Variants in GRIN2D observed in about 807,000 individuals in gnomAD.
GRIN2D encodes glutamate ionotropic receptor NMDA type subunit 2D.
In GRIN2D, 37 loss-of-function variants were observed where a neutral mutation model predicts 103.2. The ratio of observed to expected loss-of-function variants is 0.36; its 90% confidence interval spans 0.28 to 0.47. GRIN2D has a LOEUF of 0.47. Ranked by LOEUF, GRIN2D falls within the 20% of genes least tolerant of loss-of-function variation. The pLI, the probability that GRIN2D is intolerant of heterozygous loss-of-function variation, is 1.00. For synonymous variants in GRIN2D, 845 were observed against 885.6 expected (o/e 0.95, Z 0.81); for missense variants, 1,557 against 1,910.6 (o/e 0.81, Z 3.45).
intron 4 of GRIN2D, among the ~76,000 whole-genome samples, chr19:48,408,729 A>C (rs1970820352): frequency 6.6e-6 from 1 of 151,450 alleles, no homozygotes; most frequent in Non-Finnish European, 1.5e-5. Flanking sequence ...CTGAGGCAGG[A>C]GAATCACTTG....
chr19:48,418,496 G>A (rs1248330545), intron 8 of GRIN2D, among the ~76,000 whole-genome samples: 2 of 152,120 alleles, frequency 1.3e-5, no homozygotes, highest in African/African-American at 2.4e-5. Flanking sequence ...CTGTGTGGGG[G>A]ATAGGCTGTA....
intron 4 of GRIN2D, among the ~76,000 whole-genome samples, chr19:48,410,421 G>A (rs758416380): frequency 6.6e-6 from 1 of 151,194 alleles, no homozygotes; most frequent in Admixed American, 6.6e-5. Context: ...CCAGCTACTC[G>A]GGAGGCTGAG....
rs766061537 is a variant in GRIN2D at position 48,435,296 on chromosome 19, G to GTTT, written c.2253-6456_2253-6454dup. Among the ~76,000 whole-genome samples the GTTT allele has an allele frequency of 8.7e-4, 106 of 121,588 alleles. 3 individuals are homozygous for GTTT. Among genetic ancestry groups the GTTT allele is most frequent in the Non-Finnish European group, 9.5e-4 (59 of 62,316 alleles). The allele number at this position is 121,588 out of a possible 152,430, so 79.8% of individuals were successfully genotyped here. On this transcript the variant is annotated intron_variant, in intron 11 of 13. Transcript: ENST00000263269. ...CCTTTAAGTGCCCATTCAGCCACTTGTTTTTTTTTTTTTTTTTTTGAGACG... is the reference window on the plus strand; with the variant it reads ...CCTTTAAGTGCCCATTCAGCCACTTGTTTTTTTTTTTTTTTTTTTTTTGAGACG...
At chr19:48,407,700 C>T (rs1175329655) in intron 4 of GRIN2D, among the ~76,000 whole-genome samples, 1 of 152,150 alleles carries the variant, frequency 6.6e-6, no homozygotes, top group Non-Finnish European at 1.5e-5. Context: ...AAATAAGGTC[C>T]CTGCTCTCTC....
rs1160229233 is a variant in GRIN2D at position 48,443,444 on chromosome 19, G to C, written c.3518G>C (p.Ser1173Thr). 2 of 1,385,368 alleles carry C rather than the reference G, an allele frequency of 1.4e-6. No individual in the cohort carries two copies. Among genetic ancestry groups the C allele is most frequent in the African/African-American group, 3.0e-5 (2 of 65,906 alleles). The allele number at this position is 1,385,368 out of a possible 1,614,324, so 85.8% of individuals were successfully genotyped here. A position where few individuals can be genotyped will look rare whatever the true frequency, so the allele number is the denominator to read the frequency against. Reference sequence around the variant, plus strand: ...AGCTGGGACTACCTGCCCCCGCGCAGCGGTCCGGCCGCCTGGCACTGTCGG... The same window carrying C: ...AGCTGGGACTACCTGCCCCCGCGCACCGGTCCGGCCGCCTGGCACTGTCGG... ...AGSWDYLPPR[S>T]GPAAWHCRHC... The change falls in exon 14 of 14, where the codon AGC (serine) becomes ACC (threonine). Residue 1173 changes from serine (S) to threonine (T), a missense_variant. By Grantham distance (58) the Ser-to-Thr change is moderately conservative. Coordinates refer to ENST00000263269, the MANE Select transcript of GRIN2D (RefSeq NM_000836.4). The surrounding 1 kb of genome is among the most constrained non-coding windows in gnomAD (Gnocchi z 8.9).
In GRIN2D at chr19:48,421,663, G is replaced by C. The variant is rs967078277; in HGVS notation, c.2092-122G>C. The C allele has an allele frequency of 1.3e-6, 1 of 759,208 alleles. No homozygotes were observed. Among genetic ancestry groups the C allele is most frequent in the Non-Finnish European group, 2.2e-6 (1 of 450,968 alleles). 47.0% of individuals were successfully genotyped at this position (759,208 alleles called of 1,614,324 possible). A position where few individuals can be genotyped will look rare whatever the true frequency, so the allele number is the denominator to read the frequency against. On this transcript the variant is annotated intron_variant, in intron 10 of 13. Transcript: ENST00000263269. This position sits in a 1 kb window ranked among gnomAD's most constrained non-coding sequence, Gnocchi z 4.8. ...CCCTAATGTAGTGAGCGAGTGTTGA[G>C]AAATATTGAACACTCCTGGGACTGG...
At chr19:48,404,556 C>T (rs1165962170) in intron 3 of GRIN2D, among the ~76,000 whole-genome samples, 178 bp from the exon 4 acceptor site, 1 of 152,192 alleles carries the variant, frequency 6.6e-6, no homozygotes, top group Non-Finnish European at 1.5e-5. Context: ...TCTAGAATAA[C>T]TCATCACGTG....
chr19:48,402,075 G>T (rs543925933), intron 3 of GRIN2D, among the ~76,000 whole-genome samples: 1 of 150,288 alleles, frequency 6.7e-6, no homozygotes, highest in East Asian at 2.0e-4. Context: ...ATTCCAGCCT[G>T]GACAACAGAG....
In GRIN2D at chr19:48,415,255, C is replaced by A. The variant is rs542713429; in HGVS notation, c.1581+223C>A. On this transcript the variant is annotated intron_variant, in intron 7 of 13. Coordinates refer to ENST00000263269, the MANE Select transcript of GRIN2D (RefSeq NM_000836.4). ...GCGTGGTGGCGGGCGCCTGTAATCCCAGCTACTCGGGAGGCTGAGGCAGGA... is the reference window on the plus strand; with the variant it reads ...GCGTGGTGGCGGGCGCCTGTAATCCAAGCTACTCGGGAGGCTGAGGCAGGA... Among the ~76,000 whole-genome samples, 510 of 152,184 alleles carry A rather than the reference C, an allele frequency of 3.4e-3. 2 individuals are homozygous for A. The highest frequency in any genetic ancestry group is 0.011 in the African/African-American group (443 of 41,536).
At chr19:48,434,102 C>T (rs573667016) in intron 11 of GRIN2D, among the ~76,000 whole-genome samples, 1 of 152,026 alleles carries the variant, frequency 6.6e-6, no homozygotes, top group Admixed American at 6.6e-5. Context: ...GCGCCCGCCA[C>T]CTCATCCAGC....
intron 8 of GRIN2D, among the ~76,000 whole-genome samples, chr19:48,418,581 G>A (rs1471248078): frequency 6.6e-6 from 1 of 152,142 alleles, no homozygotes; most frequent in Non-Finnish European, 1.5e-5. Context: ...TGTTGGCCAT[G>A]AGAATGGAGA....
In GRIN2D at chr19:48,416,048, A is replaced by T; in HGVS notation, c.1628A>T (p.Asn543Ile). ...ADMAIGSLTI[N>I]EERSEIVDFS... is the part of the protein sequence containing the mutation. ...ATGGCCATCGGCTCCCTCACCATCA[A>T]CGAGGAGCGCTCCGAGATCGTGGAC... The change falls in exon 8 of 14, where the codon AAC becomes ATC. Residue 543 changes from asparagine to isoleucine, a missense_variant. By Grantham distance (149) the Asn-to-Ile change is moderately radical. Transcript: ENST00000263269. 1 of 1,613,792 alleles carries T rather than the reference A, an allele frequency of 6.2e-7. No individual in the cohort carries two copies. Among genetic ancestry groups the T allele is most frequent in the Non-Finnish European group, 8.5e-7 (1 of 1,179,872 alleles).
At chr19:48,410,974 C>T (rs1049814255) in intron 4 of GRIN2D, among the ~76,000 whole-genome samples, 15 of 152,066 alleles carry the variant, frequency 9.9e-5, no homozygotes, top group Non-Finnish European at 1.0e-4. Flanking sequence ...AGTCCAGGGA[C>T]ACCCCCGGCC....
chr19:48,405,479 A>T lies in GRIN2D; in HGVS notation c.1085+126A>T. On this transcript the variant is annotated intron_variant, in intron 4 of 13. Transcript: ENST00000263269. This position sits in a 1 kb window ranked among gnomAD's most constrained non-coding sequence, Gnocchi z 5.1. ...TGAGCCTCAGTTTTCTTTTCTGTAAAGTGGGTGCAATTGGGTCTCTTTTCT... is the reference window on the plus strand; with the variant it reads ...TGAGCCTCAGTTTTCTTTTCTGTAATGTGGGTGCAATTGGGTCTCTTTTCT... 9.9e-7 allele frequency: 1 copy of T among 1,012,718 alleles called. No individual in the cohort carries two copies. The highest frequency in any genetic ancestry group is 1.9e-5 in the South Asian group (1 of 51,418). 62.7% of individuals were successfully genotyped at this position (1,012,718 alleles called of 1,614,324 possible). A position where few individuals can be genotyped will look rare whatever the true frequency, so the allele number is the denominator to read the frequency against.
At chr19:48,401,893 G>T (rs1410803612) in intron 3 of GRIN2D, among the ~76,000 whole-genome samples, 2 of 152,172 alleles carry the variant, frequency 1.3e-5, no homozygotes, top group African/African-American at 4.8e-5. Context: ...TTGAGGTGAG[G>T]AGTTTGATAC....
chr19:48,434,669 A>T lies in GRIN2D; in HGVS notation c.2253-7100A>T, dbSNP rs1001293647. Among the ~76,000 whole-genome samples, 7 of 152,010 alleles carry T rather than the reference A, an allele frequency of 4.6e-5. No homozygotes were observed. The South Asian group carries it at 1.5e-3, about 32-fold the overall frequency. On this transcript the variant is annotated intron_variant, in intron 11 of 13. Transcript: ENST00000263269. Reference sequence around the variant, plus strand: ...GGCTGGTCTCAAACTCCTGGCCTCAAGCAATCCTCCCACCTTGGCCTCCCA... The same window carrying T: ...GGCTGGTCTCAAACTCCTGGCCTCATGCAATCCTCCCACCTTGGCCTCCCA...
Position 48,403,336 on chromosome 19 carries a change from T to C in GRIN2D, c.466-1398T>C, listed in dbSNP as rs200793081. 8.5e-5 allele frequency among the ~76,000 whole-genome samples: 13 copies of C among 152,298 alleles called. No individual in the cohort carries two copies. The East Asian group carries it at 2.5e-3, about 29-fold the overall frequency. On this transcript the variant is annotated intron_variant, in intron 3 of 13. Transcript: ENST00000263269. ...ACTTTCAGCAAAGATGAAGCTGTTC[T>C]ATAGCTGCTCTGTCCGATTTGAAAG...
rs1202130439 is a variant in GRIN2D, at chr19:48,405,042, C to G, written c.774C>G (p.Arg258=). Residue 258 remains arginine (R), a synonymous_variant, in exon 4 of 14, where the codon CGC becomes CGG. Coordinates refer to ENST00000263269, the MANE Select transcript of GRIN2D (RefSeq NM_000836.4). This position sits in a 1 kb window ranked among gnomAD's most constrained non-coding sequence, Gnocchi z 5.1. ...GAGAGGAGGCCGAGCCCGTGTTCCG[C>G]GCAGCTGAGGAGGCTGGCCTCACTG... ...CAREEAEPVF[R]AAEEAGLTGS... is the part of the protein sequence containing the mutation. The G allele has an allele frequency of 2.5e-6, 4 of 1,610,774 alleles. No homozygotes were observed. The highest frequency in any genetic ancestry group is 3.4e-6 in the Non-Finnish European group (4 of 1,178,562).
chr19:48,442,343 G>A lies in GRIN2D; in HGVS notation c.2634G>A (p.Gly878=), dbSNP rs1235833602. ...LVYWRLRHCL[G]PTHRMDFLLA... is the part of the protein sequence containing the mutation. ...ACTGGCGCCTGCGGCACTGCCTGGGGCCCACCCACCGCATGGACTTCCTGC... is the reference window on the plus strand; with the variant it reads ...ACTGGCGCCTGCGGCACTGCCTGGGACCCACCCACCGCATGGACTTCCTGC... Residue 878 remains glycine (G), a synonymous_variant, in exon 13 of 14, where the codon GGG becomes GGA. Transcript: ENST00000263269. This position sits in a 1 kb window ranked among gnomAD's most constrained non-coding sequence, Gnocchi z 7.2. The A allele has an allele frequency of 1.2e-6, 2 of 1,613,426 alleles. No homozygotes were observed. The highest frequency in any genetic ancestry group is 1.7e-5 in the Admixed American group (1 of 60,016).
Sources: allele counts gnomAD v4.1 joint callset (sites outside exome capture counted in the v4.1 genomes callset), GRCh38; gene constraint gnomAD v4.1.1; non-coding constraint Gnocchi (gnomAD v3.1); transcripts MANE v1.5; gene names NCBI Gene and HGNC (gene_info 2026-07-23, HGNC 2026-07-21).